The following STRADA variants were observed in gnomAD, a reference collection of about 807,000 sequenced individuals.
The protein encoded by STRADA is STE20-related kinase adapter protein alpha.
A neutral mutation model predicts 55.0 loss-of-function variants in STRADA; 26 were observed. The observed-to-expected ratio is 0.47, with a 90% confidence interval of 0.35 to 0.66. The LOEUF is 0.66. Ranked by LOEUF, STRADA falls within the 30% of genes least tolerant of loss-of-function variation. The pLI, the probability that STRADA is intolerant of heterozygous loss-of-function variation, is 0.01. For synonymous variants in STRADA, 197 were observed against 210.9 expected, an observed-to-expected ratio of 0.93 and a Z score of 0.57; for missense variants, 443 against 549.7, an observed-to-expected ratio of 0.81 and a Z score of 1.94.
At chr17:63,704,658 C>A (rs1433368796) in intron 10 of STRADA, 76 bp from the exon 11 acceptor site, 12 of 1,515,280 alleles carry the variant, frequency 7.9e-6, no homozygotes, top group Non-Finnish European at 1.1e-5. Context: ...CTGAGAGTCT[C>A]TTCACAAATA....
At chr17:63,737,314 A>T (rs1259494381) in intron 1 of STRADA, 2 of 151,400 alleles carry the variant, frequency 1.3e-5, no homozygotes, top group African/African-American at 4.9e-5. Flanking sequence ...AAGAAAATCC[A>T]CTTGACCTTG....
At chr17:63,735,469 T>C (rs552672013) in intron 1 of STRADA, among the ~76,000 whole-genome samples, 1 of 152,330 alleles carries the variant, frequency 6.6e-6, no homozygotes, top group Admixed American at 6.5e-5. Context: ...CTCCCTCTGA[T>C]AGTGATGCTT....
Position 63,728,385 on chromosome 17 carries a change from A to G in STRADA, c.-16T>C. The G allele has an allele frequency of 6.2e-7, 1 of 1,606,366 alleles. No individual in the cohort carries two copies. The highest frequency in any genetic ancestry group is 1.1e-5 in the South Asian group (1 of 89,164). On this transcript the variant is annotated 5_prime_UTR_variant, in exon 2 of 13. Coordinates refer to ENST00000336174, the MANE Select transcript of STRADA (RefSeq NM_001003787.4). ...GAAATGACATGAGTTCCTACTGTGT[A>G]GGCCTACTTCAGTTTCAAAAACTTA...
chr17:63,740,133 T>C (rs867000888), intron 1 of STRADA, among the ~76,000 whole-genome samples: 764 of 36,688 alleles, frequency 0.021, 46 homozygotes, highest in African/African-American at 0.1. Flanking sequence ...TATATACACA[T>C]ACATATATAT....
chr17:63,737,477 C>G (rs1160606509), intron 1 of STRADA: 1 of 142,806 alleles, frequency 7.0e-6, no homozygotes, highest in Non-Finnish European at 1.5e-5. Flanking sequence ...AGTTATAGAA[C>G]ACAATGTAAA....
intron 1 of STRADA, among the ~76,000 whole-genome samples, chr17:63,730,371 T>G (rs2144198839): frequency 6.6e-6 from 1 of 152,108 alleles, no homozygotes; most frequent in African/African-American, 2.4e-5. Flanking sequence ...GACTAACTGC[T>G]TTTTAGGCCA....
rs1171182845 is a variant in STRADA at position 63,703,613 on chromosome 17, C to A, written c.1282G>T (p.Asp428Tyr). The change falls in exon 13 of 13, where the codon GAT becomes TAT. Residue 428 changes from aspartate to tyrosine, a missense_variant. Transcript: ENST00000336174. ...VTNLEELEVD[D>Y]WEF ...TTTGCAGAGGCTCAGAACTCCCAAT[C>A]GTCCACCTCCAGCTCTTCCAGGTTT... 6.2e-7 allele frequency: 1 copy of A among 1,613,926 alleles called. No homozygotes were observed. Among genetic ancestry groups the A allele is most frequent in the East Asian group, 2.2e-5 (1 of 44,878 alleles).
chr17:63,737,464 T>C (rs1361073710), intron 1 of STRADA: 1 of 151,232 alleles, frequency 6.6e-6, no homozygotes, highest in Non-Finnish European at 1.5e-5. Context: ...TAAACTTAAT[T>C]ACAGTTATAG....
At chr17:63,732,518 G>A (rs1014564442) in intron 1 of STRADA, among the ~76,000 whole-genome samples, 30 of 151,888 alleles carry the variant, frequency 2.0e-4, no homozygotes, top group African/African-American at 7.0e-4. Flanking sequence ...TGTGTAGGCC[G>A]GGCGTGGTGG....
At chr17:63,705,228 T>C (rs1263110514) in intron 10 of STRADA, 1 of 436,328 alleles carries the variant, frequency 2.3e-6, no homozygotes, top group East Asian at 3.8e-5. Context: ...CACTAGCCAC[T>C]TGTGGCTATT....
intron 1 of STRADA, among the ~76,000 whole-genome samples, chr17:63,737,180 C>T (rs568476562): frequency 5.9e-5 from 8 of 134,664 alleles, no homozygotes; most frequent in East Asian, 2.2e-4. Context: ...ACCTGGGAGG[C>T]GGAGGTTGCA....
chr17:63,707,835 A>G (rs2036213703), intron 8 of STRADA, among the ~76,000 whole-genome samples: 1 of 150,030 alleles, frequency 6.7e-6, no homozygotes, highest in Admixed American at 6.6e-5. Context: ...GGTTCACACC[A>G]TTCTCCTGCC....
At chr17:63,736,179 C>G (rs1262957701) in intron 1 of STRADA, among the ~76,000 whole-genome samples, 1 of 151,952 alleles carries the variant, frequency 6.6e-6, no homozygotes, top group Admixed American at 6.6e-5. Context: ...TTAGGTGATC[C>G]ACCCGCCTCA....
chr17:63,726,714 A>G lies in STRADA; in HGVS notation c.37-19T>C. ...CCCACCGCTAAAGAGGAAAACCCCA[A>G]AGAGAATTAGTATTTCTTCCAAGCC... On this transcript the variant is annotated intron_variant, in intron 2 of 12. Coordinates refer to ENST00000336174, the MANE Select transcript of STRADA (RefSeq NM_001003787.4). 6.2e-7 allele frequency: 1 copy of G among 1,613,700 alleles called. No homozygotes were observed. Among genetic ancestry groups the G allele is most frequent in the South Asian group, 1.1e-5 (1 of 91,056 alleles).
chr17:63,703,581 C>A lies in STRADA; in HGVS notation c.*18G>T. The A allele has an allele frequency of 6.2e-7, 1 of 1,607,882 alleles. No homozygotes were observed. The highest frequency in any genetic ancestry group is 8.5e-7 in the Non-Finnish European group (1 of 1,176,604). ...CCTCTGCATCCCTGGCTGGAGAATG[C>A]GCACAGTTTGCAGAGGCTCAGAACT... On this transcript the variant is annotated 3_prime_UTR_variant, in exon 13 of 13. Coordinates refer to ENST00000336174, the MANE Select transcript of STRADA (RefSeq NM_001003787.4).
chr17:63,707,224 C>A, intron 9 of STRADA, 23 bp downstream of exon 9: 1 of 1,611,896 alleles, frequency 6.2e-7, no homozygotes, highest in Non-Finnish European at 8.5e-7. Flanking sequence ...GGTAGGGGAG[C>A]TCCTCTGGGC....
intron 4 of STRADA, 35 bp downstream of exon 4, chr17:63,723,263 A>AGAAGT (rs371079640): frequency 6.2e-7 from 1 of 1,612,636 alleles, no homozygotes; most frequent in Non-Finnish European, 8.5e-7. Context: ...TCTCCATGCA[A>AGAAGT]CAGCCATAGT....
At chr17:63,726,411 T>C in intron 3 of STRADA, 1 of 457,328 alleles carries the variant, frequency 2.2e-6, no homozygotes, top group East Asian at 3.4e-5. Context: ...CATATATGCT[T>C]TTAAGTAAAT....
At position 63,723,516 on chromosome 17, in the gene STRADA, T is replaced by C. The variant is rs983434658; in HGVS notation, c.95-190A>G. On this transcript the variant is annotated intron_variant, in intron 3 of 12. Coordinates refer to ENST00000336174, the MANE Select transcript of STRADA (RefSeq NM_001003787.4). ...CCACAGTAAAAATGCTGCAGAGAGA[T>C]AGGGCTTTAAACATGGATCTATGGT... is the stretch of plus-strand genomic sequence containing the variant. 5.8e-5 allele frequency: 36 copies of C among 622,390 alleles called. No homozygotes were observed. The East Asian group carries it at 7.3e-4, about 13-fold the overall frequency. The allele number at this position is 622,390 out of a possible 1,614,324, so 38.6% of individuals were successfully genotyped here. A position where few individuals can be genotyped will look rare whatever the true frequency, so the allele number is the denominator to read the frequency against.
Sources: allele counts gnomAD v4.1 joint callset (sites outside exome capture counted in the v4.1 genomes callset), GRCh38; gene constraint gnomAD v4.1.1; transcripts MANE v1.5; gene names NCBI Gene and HGNC (gene_info 2026-07-23, HGNC 2026-07-21).